The following GALNT17 variants were observed in gnomAD, a reference collection of about 807,000 sequenced individuals.
GALNT17 encodes the protein polypeptide N-acetylgalactosaminyltransferase 17, also known as UDP-GalNAc:polypeptide N-acetylgalactosaminyltransferase-like 3.
GALNT17 carries 29 observed loss-of-function variants against 63.7 expected under a neutral mutation model. That is an observed-to-expected ratio of 0.46 (90% CI 0.34 to 0.62). The LOEUF is 0.62. Among genes scored for constraint, GALNT17 ranks in the 20% least tolerant of loss-of-function variants. GALNT17 has a pLI of 0.01. For missense variants in GALNT17, 603 were observed against 799.6 expected (o/e 0.75, Z 2.97); for synonymous variants, 305 against 318.3 (o/e 0.96, Z 0.45).
At chr7:71,564,995 G>T (rs767015024) in intron 5 of GALNT17, among the ~76,000 whole-genome samples, 1 of 152,144 alleles carries the variant, frequency 6.6e-6, no homozygotes, top group African/African-American at 2.4e-5. Flanking sequence ...GGCCGGGCAC[G>T]GTGGCTCATG....
At chr7:71,247,016 C>G (rs1266423295) in intron 1 of GALNT17, among the ~76,000 whole-genome samples, 2 of 152,052 alleles carry the variant, frequency 1.3e-5, no homozygotes, top group East Asian at 3.9e-4. Context: ...CTCAAGTGAT[C>G]TACTTGCCTC....
chr7:71,445,669 G>C (rs1041363958), intron 5 of GALNT17, among the ~76,000 whole-genome samples: 2 of 152,152 alleles, frequency 1.3e-5, no homozygotes, highest in Admixed American at 1.3e-4. Context: ...TGCTGAAATC[G>C]ATTAAATTCT....
chr7:71,544,124 C>CTTTTTTTTTTTTTTTTTTTTTTTTT (rs60144462), intron 5 of GALNT17, among the ~76,000 whole-genome samples: 1 of 132,424 alleles, frequency 7.6e-6, no homozygotes, highest in African/African-American at 2.9e-5. Context: ...TTTCTTTTTT[C>CTTTTTTTTTTTTTTTTTTTTTTTTT]TTTTTTTTTT....
intron 1 of GALNT17, among the ~76,000 whole-genome samples, chr7:71,158,140 C>G (rs1378202114): frequency 6.7e-6 from 1 of 149,302 alleles, no homozygotes; most frequent in African/African-American, 2.5e-5. Context: ...TTTTTTGGAT[C>G]CATACTCAGT....
chr7:71,167,110 C>T (rs1350361089), intron 1 of GALNT17, among the ~76,000 whole-genome samples: 6 of 141,052 alleles, frequency 4.3e-5, no homozygotes, highest in African/African-American at 1.6e-4. Context: ...TGTTCTCAAA[C>T]TCCTGGCCTC....
chr7:71,182,758 C>G (rs750297127), intron 1 of GALNT17, among the ~76,000 whole-genome samples: 16 of 152,006 alleles, frequency 1.1e-4, no homozygotes, highest in Non-Finnish European at 1.9e-4. Context: ...AGCTGACAGA[C>G]TGGGGAGGAC....
chr7:71,275,892 C>T (rs780088881), intron 1 of GALNT17, among the ~76,000 whole-genome samples: 1 of 152,122 alleles, frequency 6.6e-6, no homozygotes, highest in Non-Finnish European at 1.5e-5. Context: ...GTGGGTCTTC[C>T]TGAATAGAAG....
chr7:71,257,421 T>A (rs1193943487), intron 1 of GALNT17, among the ~76,000 whole-genome samples: 3 of 152,194 alleles, frequency 2.0e-5, no homozygotes, highest in Non-Finnish European at 4.4e-5. Flanking sequence ...TCTCCAAAGA[T>A]GAGTGTACTT....
At chr7:71,416,092 C>T in intron 4 of GALNT17, 29 bp downstream of exon 4, 1 of 1,585,506 alleles carries the variant, frequency 6.3e-7, no homozygotes. Flanking sequence ...CTCAGGGGTG[C>T]TCAAGACCTG....
At chr7:71,411,483 G>A (rs910574466) in intron 3 of GALNT17, among the ~76,000 whole-genome samples, 21 of 152,102 alleles carry the variant, frequency 1.4e-4, no homozygotes, top group African/African-American at 4.8e-4. Context: ...GAGCCTGGGG[G>A]CCTTGTTTTA....
chr7:71,151,709 A>G (rs955897162), intron 1 of GALNT17, among the ~76,000 whole-genome samples: 27 of 152,138 alleles, frequency 1.8e-4, no homozygotes, highest in Non-Finnish European at 5.9e-5. Context: ...GAATGATTAT[A>G]ATCATCCCCT....
At chr7:71,447,367 G>A (rs1787179815) in intron 5 of GALNT17, among the ~76,000 whole-genome samples, 1 of 152,146 alleles carries the variant, frequency 6.6e-6, no homozygotes, top group Non-Finnish European at 1.5e-5. Flanking sequence ...GGAAAATCTG[G>A]AATTCAAAAT....
intron 1 of GALNT17, among the ~76,000 whole-genome samples, chr7:71,201,036 T>C (rs568021823): frequency 6.6e-4 from 101 of 152,048 alleles, no homozygotes; most frequent in Non-Finnish European, 1.4e-3. Flanking sequence ...TCTGCCAAAA[T>C]TGGGCTTAAT....
chr7:71,522,702 A>G (rs1386953365), intron 5 of GALNT17, among the ~76,000 whole-genome samples: 1 of 152,104 alleles, frequency 6.6e-6, no homozygotes, highest in Non-Finnish European at 1.5e-5. Context: ...GACCACATCC[A>G]CCAGCGCTGC....
At chr7:71,162,123 C>CCTTCCTCCCTCCCTCCCTTCCTT (rs1788357249) in intron 1 of GALNT17, among the ~76,000 whole-genome samples, 1 of 53,780 alleles carries the variant, frequency 1.9e-5, no homozygotes, top group Admixed American at 2.3e-4. Flanking sequence ...CTCCCTCCCT[C>CCTTCCTCCCTCCCTCCCTTCCTT]CCTTCCTTCC....
intron 9 of GALNT17, among the ~76,000 whole-genome samples, chr7:71,686,716 A>G (rs893041822): frequency 6.6e-5 from 10 of 152,024 alleles, no homozygotes; most frequent in African/African-American, 2.4e-4. Flanking sequence ...ACACATCACA[A>G]TCACTTTTGA....
At chr7:71,605,994 C>A (rs1350410131) in intron 6 of GALNT17, among the ~76,000 whole-genome samples, 16 of 152,198 alleles carry the variant, frequency 1.1e-4, no homozygotes, top group African/African-American at 3.9e-4. Context: ...GGCTGGAGTG[C>A]AGTGCTGTGA....
intron 1 of GALNT17, among the ~76,000 whole-genome samples, chr7:71,169,032 G>A (rs1254943590): frequency 6.6e-6 from 1 of 152,080 alleles, no homozygotes; most frequent in Non-Finnish European, 1.5e-5. Flanking sequence ...ATCCTTTGGG[G>A]TGGGTCCTTT....
intron 6 of GALNT17, among the ~76,000 whole-genome samples, chr7:71,599,986 C>G (rs1789941421): frequency 6.6e-6 from 1 of 151,768 alleles, no homozygotes; most frequent in South Asian, 2.1e-4. Context: ...TTTTAACAAC[C>G]AAAATATCTT....
Sources: gnomAD v4.1 joint callset for allele counts (sites outside exome capture counted in the v4.1 genomes callset) on GRCh38, gnomAD v4.1.1 for gene constraint, MANE v1.5 for transcripts, NCBI Gene and HGNC (gene_info 2026-07-23, HGNC 2026-07-21) for gene names.